The following SPOCK1 variants were observed in gnomAD, a reference collection of about 807,000 sequenced individuals.
The protein encoded by SPOCK1 is SPARC (osteonectin), cwcv and kazal like domains proteoglycan 1, also known as testican-1.
Under a neutral mutation model 55.3 loss-of-function variants are expected in SPOCK1, and 23 were observed. The ratio of observed to expected loss-of-function variants is 0.42; its 90% CI spans 0.30 to 0.59. SPOCK1 has a LOEUF of 0.59. Among genes scored for constraint, SPOCK1 ranks in the 20% least tolerant of loss-of-function variants. The pLI, the probability that SPOCK1 is intolerant of heterozygous loss-of-function variation, is 0.22. For synonymous variants in SPOCK1, 226 were observed against 221.0 expected (o/e 1.02, Z -0.20); for missense variants, 499 against 552.5 (o/e 0.90, Z 0.97).
At chr5:137,046,547 A>G (rs1752109230) in intron 6 of SPOCK1, among the ~76,000 whole-genome samples, 2 of 142,106 alleles carry the variant, frequency 1.4e-5, no homozygotes, top group African/African-American at 5.2e-5. Context: ...GGCTGAGACA[A>G]TGGGGTTTTC....
At chr5:136,989,102 G>A (rs17521226) in intron 7 of SPOCK1, among the ~76,000 whole-genome samples, 25,829 of 152,110 alleles carry the variant, frequency 0.17, 2,790 homozygotes, top group Non-Finnish European at 0.24. Context: ...CAGAAGCACC[G>A]CTTGCATCCC....
At chr5:137,407,773 C>A (rs115355609) in intron 2 of SPOCK1, among the ~76,000 whole-genome samples, 1 of 152,152 alleles carries the variant, frequency 6.6e-6, no homozygotes, top group Non-Finnish European at 1.5e-5. Flanking sequence ...CAAGCCACTG[C>A]GCACCTATCA....
chr5:137,214,986 T>G (rs1056938527), intron 3 of SPOCK1, among the ~76,000 whole-genome samples: 1 of 152,164 alleles, frequency 6.6e-6, no homozygotes, highest in Non-Finnish European at 1.5e-5. Context: ...AGGCATACCA[T>G]GTCCTAAGCA....
chr5:137,242,479 G>A (rs767465870), intron 3 of SPOCK1, among the ~76,000 whole-genome samples: 4 of 152,196 alleles, frequency 2.6e-5, no homozygotes, highest in Non-Finnish European at 2.9e-5. Flanking sequence ...ATGTGGAACT[G>A]TGAGTCCATT....
At chr5:137,057,391 C>G (rs1417683478) in intron 6 of SPOCK1, among the ~76,000 whole-genome samples, 3 of 152,218 alleles carry the variant, frequency 2.0e-5, no homozygotes, top group Non-Finnish European at 4.4e-5. Context: ...ACCTGAACAT[C>G]TATCACTATA....
chr5:137,491,605 A>T (rs935673892), intron 2 of SPOCK1, among the ~76,000 whole-genome samples: 1 of 152,208 alleles, frequency 6.6e-6, no homozygotes, highest in Non-Finnish European at 1.5e-5. Flanking sequence ...AAGGAATTAC[A>T]AAGGGGTGAG....
chr5:137,495,103 C>T (rs1273113803), intron 2 of SPOCK1, among the ~76,000 whole-genome samples: 1 of 152,180 alleles, frequency 6.6e-6, no homozygotes, highest in Non-Finnish European at 1.5e-5. Context: ...AACTAACAGA[C>T]CACAAATACA....
chr5:137,453,238 A>G (rs1482031431), intron 2 of SPOCK1, among the ~76,000 whole-genome samples: 1 of 152,240 alleles, frequency 6.6e-6, no homozygotes, highest in Non-Finnish European at 1.5e-5. Flanking sequence ...TGCTAATGGT[A>G]CCAGAAGTAC....
At chr5:137,342,010 C>A (rs1008641044) in intron 2 of SPOCK1, among the ~76,000 whole-genome samples, 1 of 152,222 alleles carries the variant, frequency 6.6e-6, no homozygotes. Context: ...CCAGAGAGCG[C>A]CAGGGCTGCG....
chr5:137,098,514 G>T (rs1004679923), intron 5 of SPOCK1, among the ~76,000 whole-genome samples: 1 of 152,220 alleles, frequency 6.6e-6, no homozygotes, highest in African/African-American at 2.4e-5. Context: ...TGCCAGAAAA[G>T]TCTGTGACCT....
chr5:137,398,203 G>A (rs1167475924), intron 2 of SPOCK1, among the ~76,000 whole-genome samples: 1 of 152,104 alleles, frequency 6.6e-6, no homozygotes, highest in Admixed American at 6.5e-5. Flanking sequence ...ACCTTAGTGA[G>A]GAAGCCTCAT....
intron 4 of SPOCK1, among the ~76,000 whole-genome samples, chr5:137,115,104 C>T (rs761909890): frequency 5.3e-5 from 8 of 152,098 alleles, no homozygotes; most frequent in Non-Finnish European, 1.0e-4. Context: ...AGGGAAGCAA[C>T]GAGGTGAGGC....
chr5:136,996,971 G>C (rs1411658439), intron 6 of SPOCK1, among the ~76,000 whole-genome samples: 2 of 152,118 alleles, frequency 1.3e-5, no homozygotes, highest in Non-Finnish European at 2.9e-5. Flanking sequence ...CCATCTTTAA[G>C]AGCAGTAACA....
intron 4 of SPOCK1, among the ~76,000 whole-genome samples, chr5:137,121,867 AATATATAATT>A (rs894260945): frequency 6.8e-5 from 10 of 146,504 alleles, no homozygotes; most frequent in Non-Finnish European, 1.3e-4. Flanking sequence ...TTAAATATAT[AATATATAATT>A]ATATATAATT....
At chr5:137,397,681 T>C (rs1378822161) in intron 2 of SPOCK1, among the ~76,000 whole-genome samples, 1 of 152,238 alleles carries the variant, frequency 6.6e-6, no homozygotes, top group Non-Finnish European at 1.5e-5. Context: ...GTTCACTTAC[T>C]AGCTCTTGAC....
intron 2 of SPOCK1, among the ~76,000 whole-genome samples, chr5:137,321,873 GA>G (rs996926498): frequency 2.8e-5 from 4 of 142,782 alleles, no homozygotes; most frequent in African/African-American, 1.0e-4. Flanking sequence ...CTGTCAAAAA[GA>G]AAAAAAAAAG....
At chr5:136,995,692 G>A (rs1250977847) in intron 6 of SPOCK1, among the ~76,000 whole-genome samples, 2 of 152,146 alleles carry the variant, frequency 1.3e-5, no homozygotes, top group African/African-American at 4.8e-5. Context: ...TTAGTCAGTC[G>A]TGTTTAACTA....
chr5:137,312,530 T>A (rs1230419513), intron 2 of SPOCK1, among the ~76,000 whole-genome samples: 1 of 152,096 alleles, frequency 6.6e-6, no homozygotes, highest in Non-Finnish European at 1.5e-5. Context: ...AAATTTTTTG[T>A]TGTTGTTGTT....
chr5:137,479,023 C>A (rs1380251420), intron 2 of SPOCK1, among the ~76,000 whole-genome samples: 1 of 151,742 alleles, frequency 6.6e-6, no homozygotes, highest in Non-Finnish European at 1.5e-5. Context: ...GCGGTGGTCA[C>A]CAGCCTTTGG....
Sources: gnomAD v4.1 joint callset for allele counts (sites outside exome capture counted in the v4.1 genomes callset) on GRCh38, gnomAD v4.1.1 for gene constraint, MANE v1.5 for transcripts, NCBI Gene and HGNC (gene_info 2026-07-23, HGNC 2026-07-21) for gene names.